Variants in DAW1 observed in about 807,000 individuals in gnomAD.
The protein encoded by DAW1 is dynein assembly factor with WD repeat domains 1.
Under a neutral mutation model 56.5 loss-of-function variants are expected in DAW1, and 47 were observed. The ratio of observed to expected loss-of-function variants is 0.83; its 90% CI spans 0.66 to 1.06. The LOEUF (loss-of-function observed/expected upper bound fraction) is 1.06, where lower values mean the gene tolerates loss of function less well. DAW1 is among the 50% of genes least tolerant of loss of function. The pLI, the probability that DAW1 is intolerant of heterozygous loss-of-function variation, is 0.00. For synonymous variants in DAW1, 190 were observed against 179.0 expected (o/e 1.06, Z -0.49); for missense variants, 505 against 499.3 (o/e 1.01, Z -0.11).
At position 227,882,442 on chromosome 2, in the gene DAW1, C is replaced by T. The variant is rs542200987; in HGVS notation, c.41-2909C>T. Among the ~76,000 whole-genome samples the T allele has an allele frequency of 1.1e-4, 16 of 152,170 alleles. No homozygotes were observed. The South Asian group carries it at 3.1e-3, about 30-fold the overall frequency. ...ACACACACTCACAATAGGAAAACAT[C>T]AAAAAAATCCCAACAGAACAACCTA... On this transcript the variant is annotated intron_variant, in intron 1 of 12. Coordinates refer to ENST00000309931, the MANE Select transcript of DAW1 (RefSeq NM_178821.3).
rs1314836355 is a variant in DAW1, at chr2:227,896,927, A to T, written c.441-1255A>T. Among the ~76,000 whole-genome samples, 4 of 151,512 alleles carry T rather than the reference A, an allele frequency of 2.6e-5. No individual in the cohort carries two copies. In the East Asian group the frequency reaches 7.8e-4, roughly 29 times the overall value. ...GTGAGACCTCATCTCTACAAAAAAT[A>T]AAAAAAAATTTAGCCAAGCATGGTG... On this transcript the variant is annotated intron_variant, in intron 5 of 12. Coordinates refer to ENST00000309931, the MANE Select transcript of DAW1 (RefSeq NM_178821.3).
intron 10 of DAW1, among the ~76,000 whole-genome samples, chr2:227,916,904 T>C (rs112835582): frequency 1.8e-4 from 28 of 152,332 alleles, no homozygotes; most frequent in African/African-American, 6.5e-4. Context: ...TTGATGATCA[T>C]GTATGATGCT....
intron 7 of DAW1, 104 bp from the exon 8 acceptor site, chr2:227,904,825 A>C: frequency 8.1e-5 from 84 of 1,042,196 alleles, no homozygotes; most frequent in Non-Finnish European, 9.9e-5. Flanking sequence ...CTCCGTTCCT[A>C]GAGCTCGGCC....
chr2:227,900,348 C>T (rs1351324938), intron 6 of DAW1, among the ~76,000 whole-genome samples: 1 of 152,126 alleles, frequency 6.6e-6, no homozygotes, highest in African/African-American at 2.4e-5. Flanking sequence ...ATCTTTTTCA[C>T]AGTCAACAAC....
At position 227,891,233 on chromosome 2, in the gene DAW1, A is replaced by T. The variant is rs551861582; in HGVS notation, c.259-22A>T. On this transcript the variant is annotated intron_variant, in intron 3 of 12. Transcript: ENST00000309931. ...ATTTAATTTGGTTTGAGTCTAAAAAATGGTGTTTTCTTTCACTGAAGGTTC... is the reference window on the plus strand; with the variant it reads ...ATTTAATTTGGTTTGAGTCTAAAAATTGGTGTTTTCTTTCACTGAAGGTTC... 3.7e-6 allele frequency: 6 copies of T among 1,605,830 alleles called. No homozygotes were observed. The African/African-American group carries it at 8.0e-5, about 21-fold the overall frequency.
In DAW1 at chr2:227,923,934, G is replaced by C; in HGVS notation, c.1214G>C (p.Gly405Ala). 6.2e-7 allele frequency: 1 copy of C among 1,613,936 alleles called. No individual in the cohort carries two copies. The highest frequency in any genetic ancestry group is 1.1e-5 in the South Asian group (1 of 91,068). Reference sequence around the variant, plus strand: ...AACTGCATGAAATCTGTTTTATTAGGCAGCAAGGATAATACCTGTAGGATA... The same window carrying C: ...AACTGCATGAAATCTGTTTTATTAGCCAGCAAGGATAATACCTGTAGGATA... ...FNYKGNIVIT[G>A]SKDNTCRIWR Residue 405 changes from glycine (G) to alanine (A), a missense_variant and splice_region_variant, in exon 13 of 13, where the codon GGC (glycine) becomes GCC (alanine). By Grantham distance (60) the Gly-to-Ala change is moderately conservative. Transcript: ENST00000309931.
At chr2:227,916,480 A>G (rs1334370965) in intron 10 of DAW1, among the ~76,000 whole-genome samples, 1 of 152,138 alleles carries the variant, frequency 6.6e-6, no homozygotes, top group Admixed American at 6.5e-5. Context: ...ATAGTCACGT[A>G]TTATGAATGT....
At chr2:227,890,337 A>G (rs746752158) in intron 3 of DAW1, among the ~76,000 whole-genome samples, 71 of 152,208 alleles carry the variant, frequency 4.7e-4, no homozygotes, top group Non-Finnish European at 9.6e-4. Context: ...GTTTTATGAC[A>G]AATCAACATT....
chr2:227,879,176 C>T (rs1157276120), intron 1 of DAW1, among the ~76,000 whole-genome samples: 7 of 152,278 alleles, frequency 4.6e-5, no homozygotes, highest in Admixed American at 2.6e-4. Context: ...CCTGAAGATG[C>T]GGTCATGCCT....
intron 6 of DAW1, among the ~76,000 whole-genome samples, chr2:227,902,291 C>T (rs570954785): frequency 2.0e-5 from 3 of 152,022 alleles, no homozygotes; most frequent in East Asian, 1.9e-4. Context: ...GCAGTTGGTA[C>T]GGAAGGTGCA....
intron 5 of DAW1, among the ~76,000 whole-genome samples, chr2:227,896,593 A>AGGGTGT (rs1691412591): frequency 7.0e-6 from 1 of 143,564 alleles, no homozygotes; most frequent in Non-Finnish European, 1.5e-5. Flanking sequence ...AATAAGAGGG[A>AGGGTGT]GTGTGTGTGT....
intron 6 of DAW1, among the ~76,000 whole-genome samples, chr2:227,902,085 G>A (rs1478816824): frequency 6.6e-6 from 1 of 152,138 alleles, no homozygotes; most frequent in Non-Finnish European, 1.5e-5. Flanking sequence ...GCAGGAGTGG[G>A]GAACAGGAGA....
At chr2:227,889,735 T>C in intron 2 of DAW1, 121 bp from the exon 3 acceptor site, 1 of 773,034 alleles carries the variant, frequency 1.3e-6, no homozygotes, top group Admixed American at 4.0e-5. Flanking sequence ...GGAAAGATAA[T>C]GGTGTTTTTG....
chr2:227,880,927 A>G lies in DAW1; in HGVS notation c.41-4424A>G, dbSNP rs146772009. ...TACTTAGCATGTTGATGGTAATTAA[A>G]GACATGGTACCGATGAATTTAATGT... On this transcript the variant is annotated intron_variant, in intron 1 of 12. Transcript: ENST00000309931. Among the ~76,000 whole-genome samples the G allele has an allele frequency of 1.5e-3, 230 of 152,380 alleles. 1 individual carries two copies. Among genetic ancestry groups the G allele is most frequent in the African/African-American group, 4.7e-3 (197 of 41,592 alleles).
intron 3 of DAW1, among the ~76,000 whole-genome samples, chr2:227,890,659 T>C (rs1426198753): frequency 6.6e-6 from 1 of 152,228 alleles, no homozygotes; most frequent in Admixed American, 6.5e-5. Flanking sequence ...GAGGATGTTA[T>C]AGTCTTGTAA....
chr2:227,903,746 G>A (rs1691609549), intron 7 of DAW1, among the ~76,000 whole-genome samples: 1 of 148,530 alleles, frequency 6.7e-6, no homozygotes, highest in Non-Finnish European at 1.5e-5. Flanking sequence ...GTGACCCTAT[G>A]TTGTAATCAG....
rs375195739 is a variant in DAW1, at chr2:227,891,322, C to T, written c.317+9C>T. 6.2e-7 allele frequency: 1 copy of T among 1,611,224 alleles called. No individual in the cohort carries two copies. The highest frequency in any genetic ancestry group is 1.1e-5 in the South Asian group (1 of 90,616). ...AACAAATCGGGCTCATGGTAAGATTCTCTTTTTATGTCTAATTTTTAGCAG... is the reference window on the plus strand; with the variant it reads ...AACAAATCGGGCTCATGGTAAGATTTTCTTTTTATGTCTAATTTTTAGCAG... On this transcript the variant is annotated intron_variant, in intron 4 of 12. Transcript: ENST00000309931.
intron 1 of DAW1, among the ~76,000 whole-genome samples, chr2:227,879,627 T>C (rs1457566999): frequency 2.6e-5 from 4 of 151,824 alleles, no homozygotes; most frequent in Admixed American, 6.6e-5. Flanking sequence ...AAGAGACAAA[T>C]CCATTATATT....
At chr2:227,910,990 C>G (rs1305943044) in intron 10 of DAW1, among the ~76,000 whole-genome samples, 1 of 151,944 alleles carries the variant, frequency 6.6e-6, no homozygotes, top group East Asian at 1.9e-4. Context: ...TGCTATGTGT[C>G]ATCTCCCTGA....
Sources: gnomAD v4.1 joint callset for allele counts (sites outside exome capture counted in the v4.1 genomes callset) on GRCh38, gnomAD v4.1.1 for gene constraint, MANE v1.5 for transcripts, NCBI Gene and HGNC (gene_info 2026-07-23, HGNC 2026-07-21) for gene names.